The following KCTD8 variants were observed in gnomAD, a reference collection of about 807,000 sequenced individuals.
KCTD8 encodes BTB/POZ domain-containing protein KCTD8.
Under a neutral mutation model 31.5 loss-of-function variants are expected in KCTD8, and 27 were observed. That is an observed-to-expected ratio of 0.86 (90% CI 0.63 to 1.18). The LOEUF is 1.18. Ranked by LOEUF, KCTD8 falls within the 50% of genes most tolerant of loss-of-function variation. KCTD8 has a pLI of 0.00. For synonymous variants in KCTD8, 290 were observed against 280.0 expected (o/e 1.04, Z -0.36); for missense variants, 658 against 647.7 (o/e 1.02, Z -0.17).
intron 1 of KCTD8, among the ~76,000 whole-genome samples, chr4:44,435,052 A>G (rs965829662): frequency 2.0e-5 from 3 of 152,038 alleles, no homozygotes; most frequent in African/African-American, 7.2e-5. Flanking sequence ...CTTGCATAGA[A>G]CTTTCAACTT....
At chr4:44,245,451 AT>A (rs60632772) in intron 1 of KCTD8, among the ~76,000 whole-genome samples, 1 of 152,242 alleles carries the variant, frequency 6.6e-6, no homozygotes, top group Non-Finnish European at 1.5e-5. Flanking sequence ...TAGCTAGCAA[AT>A]ATACACAGTG....
chr4:44,355,875 G>A (rs960189796), intron 1 of KCTD8, among the ~76,000 whole-genome samples: 2 of 152,226 alleles, frequency 1.3e-5, no homozygotes, highest in South Asian at 2.1e-4. Flanking sequence ...TAATTAAAAT[G>A]TTTAATACAG....
chr4:44,245,659 T>C (rs1715643186), intron 1 of KCTD8, among the ~76,000 whole-genome samples: 1 of 151,928 alleles, frequency 6.6e-6, no homozygotes, highest in South Asian at 2.1e-4. Flanking sequence ...AGATTAAAAG[T>C]GTAGTCTAAT....
rs75037752 is a variant in KCTD8, at chr4:44,430,567, T to C, written c.961+16996A>G. Among the ~76,000 whole-genome samples the C allele has an allele frequency of 8.0e-3, 1,207 of 151,720 alleles. 18 individuals carry two copies. The highest frequency in any genetic ancestry group is 0.025 in the African/African-American group (1,052 of 41,484). On this transcript the variant is annotated intron_variant, in intron 1 of 1. Coordinates refer to ENST00000360029, the MANE Select transcript of KCTD8 (RefSeq NM_198353.3). The stretch of plus-strand genomic sequence containing the variant: ...TCCTGAATTAGTGACCAGAAAAATA[T>C]GTGGAGCCAAATGGTGCTCCATCAC...
intron 1 of KCTD8, among the ~76,000 whole-genome samples, chr4:44,261,040 G>T (rs953466992): frequency 6.6e-6 from 1 of 151,990 alleles, no homozygotes; most frequent in African/African-American, 2.4e-5. Flanking sequence ...TCGTGGTGGG[G>T]ATTAGAAGTG....
rs150209087 is a variant in KCTD8, at chr4:44,386,036, T to TA, written c.961+61526dup. Among the ~76,000 whole-genome samples, 565 of 149,750 alleles carry TA rather than the reference T, an allele frequency of 3.8e-3. 5 individuals are homozygous for TA. Among genetic ancestry groups the TA allele is most frequent in the African/African-American group, 0.013 (532 of 40,958 alleles). On this transcript the variant is annotated intron_variant, in intron 1 of 1. Coordinates refer to ENST00000360029, the MANE Select transcript of KCTD8 (RefSeq NM_198353.3). ...CACACCCATTTAAGTAGTTACTACT[T>TA]AAAAAAAAACGGTTGATTTGTGAAG... is the stretch of plus-strand genomic sequence containing the variant.
chr4:44,350,581 G>T (rs541087768), intron 1 of KCTD8, among the ~76,000 whole-genome samples: 1 of 152,220 alleles, frequency 6.6e-6, no homozygotes, highest in Non-Finnish European at 1.5e-5. Context: ...TTGGCAATAT[G>T]CAAGCTAACA....
At chr4:44,364,777 T>C (rs1440217647) in intron 1 of KCTD8, among the ~76,000 whole-genome samples, 3 of 151,870 alleles carry the variant, frequency 2.0e-5, no homozygotes, top group African/African-American at 7.3e-5. Flanking sequence ...TAAATACATA[T>C]TGCTAAGTCA....
chr4:44,345,444 G>C (rs1475171099), intron 1 of KCTD8, among the ~76,000 whole-genome samples: 1 of 151,984 alleles, frequency 6.6e-6, no homozygotes. Flanking sequence ...TGGTAAAATA[G>C]CAATAAATTC....
chr4:44,230,929 T>C lies in KCTD8; in HGVS notation c.962-55679A>G, dbSNP rs931740326. On this transcript the variant is annotated intron_variant, in intron 1 of 1. Coordinates refer to ENST00000360029, the MANE Select transcript of KCTD8 (RefSeq NM_198353.3). ...AATAGATGGAAAATAATGTGATTTC[T>C]GAGCCCATCTGGTCATCTGTGCTGG... 4.6e-5 allele frequency among the ~76,000 whole-genome samples: 7 copies of C among 152,302 alleles called. No homozygotes were observed. In the South Asian group the frequency reaches 1.4e-3, roughly 32 times the overall value.
At chr4:44,179,041 T>TG (rs2109328952) in intron 1 of KCTD8, among the ~76,000 whole-genome samples, 1 of 152,284 alleles carries the variant, frequency 6.6e-6, no homozygotes, top group East Asian at 1.9e-4. Flanking sequence ...GACAAAAAGA[T>TG]GCAGAGAAAA....
intron 1 of KCTD8, among the ~76,000 whole-genome samples, chr4:44,238,450 G>T (rs1352734604): frequency 1.3e-5 from 2 of 151,922 alleles, no homozygotes; most frequent in Admixed American, 6.6e-5. Flanking sequence ...ATGTAATTTT[G>T]CTCACCTACT....
chr4:44,195,000 C>A (rs889601743), intron 1 of KCTD8, among the ~76,000 whole-genome samples: 3 of 150,954 alleles, frequency 2.0e-5, no homozygotes, highest in Non-Finnish European at 4.4e-5. Flanking sequence ...GGATTACAGG[C>A]ATGTACCACC....
intron 1 of KCTD8, among the ~76,000 whole-genome samples, chr4:44,226,658 C>T (rs2109350583): frequency 6.6e-6 from 1 of 152,300 alleles, no homozygotes; most frequent in African/African-American, 2.4e-5. Context: ...CTCCCACCAA[C>T]AGTGTAAAAG....
chr4:44,305,067 A>T (rs550513023), intron 1 of KCTD8, among the ~76,000 whole-genome samples: 53 of 152,224 alleles, frequency 3.5e-4, no homozygotes, highest in Non-Finnish European at 5.7e-4. Flanking sequence ...GTTTCAGAGT[A>T]GAATAAAGGA....
At chr4:44,222,649 T>C (rs535981376) in intron 1 of KCTD8, among the ~76,000 whole-genome samples, 1 of 152,316 alleles carries the variant, frequency 6.6e-6, no homozygotes, top group East Asian at 1.9e-4. Context: ...CGTCCACCTT[T>C]GTAATCTCAG....
chr4:44,195,646 A>G (rs1713917691), intron 1 of KCTD8, among the ~76,000 whole-genome samples: 1 of 152,202 alleles, frequency 6.6e-6, no homozygotes, highest in Non-Finnish European at 1.5e-5. Context: ...AATCTTTAGT[A>G]TTATGTGTCC....
chr4:44,272,051 G>A (rs1716626090), intron 1 of KCTD8, among the ~76,000 whole-genome samples: 2 of 151,344 alleles, frequency 1.3e-5, no homozygotes, highest in Non-Finnish European at 2.9e-5. Flanking sequence ...AGGGCATCAT[G>A]AAATGAGAAG....
intron 1 of KCTD8, among the ~76,000 whole-genome samples, chr4:44,245,870 T>C (rs969893567): frequency 4.6e-5 from 7 of 152,064 alleles, no homozygotes; most frequent in African/African-American, 1.7e-4. Context: ...ACAATTTGAA[T>C]AGAGATTCAG....
Sources: allele counts gnomAD v4.1 joint callset (sites outside exome capture counted in the v4.1 genomes callset), GRCh38; gene constraint gnomAD v4.1.1; transcripts MANE v1.5; gene names NCBI Gene and HGNC (gene_info 2026-07-23, HGNC 2026-07-21).